Variants in LRGUK observed in about 807,000 individuals in gnomAD.
LRGUK encodes leucine rich repeats and guanylate kinase domain containing.
LRGUK carries 65 observed loss-of-function variants against 76.0 expected under a neutral mutation model. That is an observed-to-expected ratio of 0.85 (90% CI 0.70 to 1.05). LRGUK has a LOEUF of 1.05. LRGUK is among the 50% of genes least tolerant of loss of function. The probability of loss-of-function intolerance (pLI) is 0.00; values close to 1 mark genes in which losing one functional copy is unlikely to be tolerated. For synonymous variants in LRGUK, 268 were observed against 265.6 expected, an observed-to-expected ratio of 1.01 and a Z score of -0.09; for missense variants, 758 against 732.8, an observed-to-expected ratio of 1.03 and a Z score of -0.40.
intron 16 of LRGUK, among the ~76,000 whole-genome samples, chr7:134,246,211 T>C (rs1220181673): frequency 6.6e-6 from 1 of 152,170 alleles, no homozygotes; most frequent in Non-Finnish European, 1.5e-5. Context: ...TTATTCACTC[T>C]TTATATTATC....
At chr7:134,240,223 G>A (rs1201896986) in intron 16 of LRGUK, among the ~76,000 whole-genome samples, 1 of 152,230 alleles carries the variant, frequency 6.6e-6, no homozygotes, top group Non-Finnish European at 1.5e-5. Flanking sequence ...AGAGAAGAAG[G>A]CTTCAGATGA....
Position 134,251,530 on chromosome 7 carries a change from G to A in LRGUK, c.2198+2454G>A, listed in dbSNP as rs571062783. On this transcript the variant is annotated intron_variant, in intron 18 of 19. Transcript: ENST00000285928. ...TTCATGGTATCTTGTTATGGCAGCC[G>A]GAGCAAACTAATACGACCTGTATAA... Among the ~76,000 whole-genome samples the A allele has an allele frequency of 1.6e-3, 242 of 152,206 alleles. 3 individuals carry two copies. The highest frequency in any genetic ancestry group is 0.015 in the Admixed American group (229 of 15,296).
chr7:134,176,936 A>G, intron 8 of LRGUK, 41 bp from the exon 9 acceptor site: 1 of 1,254,436 alleles, frequency 8.0e-7, no homozygotes. Flanking sequence ...TGATTTGGGA[A>G]AAGGAAGGCA....
At chr7:134,191,727 C>T (rs1224860283) in exon 12 of LRGUK, 13 of 1,611,510 alleles carry the variant, frequency 8.1e-6, no homozygotes, top group Middle Eastern at 3.3e-4. Context: ...TCTCTCAAGA[C>T]GTTTTTGATG....
chr7:134,142,094 G>C (rs1234126007), intron 3 of LRGUK, among the ~76,000 whole-genome samples: 1 of 152,174 alleles, frequency 6.6e-6, no homozygotes, highest in Non-Finnish European at 1.5e-5. Flanking sequence ...CTTGGAGAAA[G>C]GTAGAAGCAC....
chr7:134,178,949 C>A lies in LRGUK; in HGVS notation c.1214+340C>A, dbSNP rs796614636. On this transcript the variant is annotated intron_variant, in intron 10 of 15. Coordinates refer to ENST00000645682, the Ensembl canonical transcript of LRGUK. ...CTCAAAAAAAAAAAAAAAAAAAAAA[C>A]CAGGACCAATTTTTCTGCCTTAGGA... Among the ~76,000 whole-genome samples the A allele has an allele frequency of 3.7e-3, 314 of 83,922 alleles. 4 individuals are homozygous for A. The highest frequency in any genetic ancestry group is 0.014 in the African/African-American group (295 of 20,676). The allele number at this position is 83,922 out of a possible 152,430, so 55.1% of individuals were successfully genotyped here.
downstream of LRGUK, among the ~76,000 whole-genome samples, chr7:134,265,365 G>GA (rs1430378701): frequency 2.0e-5 from 3 of 152,290 alleles, no homozygotes; most frequent in South Asian, 6.2e-4. Flanking sequence ...GAGGTGAAAA[G>GA]AAGGCAGATG....
At chr7:134,131,086 G>A (rs1275447969) in intron 1 of LRGUK, among the ~76,000 whole-genome samples, 1 of 152,148 alleles carries the variant, frequency 6.6e-6, no homozygotes, top group African/African-American at 2.4e-5. Context: ...TGATTGCTAT[G>A]CAGAAAGCAC....
At chr7:134,134,058 C>G (rs1797426250) in intron 1 of LRGUK, among the ~76,000 whole-genome samples, 1 of 139,748 alleles carries the variant, frequency 7.2e-6, no homozygotes, top group Non-Finnish European at 1.6e-5. Flanking sequence ...CGAGACCATG[C>G]CTAAAAAAAA....
intron 15 of LRGUK, among the ~76,000 whole-genome samples, chr7:134,203,611 C>T (rs571388810): frequency 6.6e-6 from 1 of 152,074 alleles, no homozygotes; most frequent in Admixed American, 6.5e-5. Flanking sequence ...ATGAAGTGAC[C>T]AGGGTATGAC....
intron 11 of LRGUK, among the ~76,000 whole-genome samples, chr7:134,191,081 G>A (rs1398408970): frequency 6.6e-6 from 1 of 152,154 alleles, no homozygotes; most frequent in Non-Finnish European, 1.5e-5. Context: ...ACCAAGCACA[G>A]GGCACATGAG....
chr7:134,223,377 G>A (rs1801651776), intron 16 of LRGUK, among the ~76,000 whole-genome samples: 1 of 152,238 alleles, frequency 6.6e-6, no homozygotes, highest in Non-Finnish European at 1.5e-5. Flanking sequence ...GGTCACCTGT[G>A]GCAGGGCAGA....
At chr7:134,222,312 C>A (rs543550702) in intron 16 of LRGUK, among the ~76,000 whole-genome samples, 1 of 152,208 alleles carries the variant, frequency 6.6e-6, no homozygotes, top group Non-Finnish European at 1.5e-5. Context: ...TCAAAGAGTC[C>A]GTGTTTTATA....
chr7:134,242,346 T>G (rs867651840), intron 16 of LRGUK, among the ~76,000 whole-genome samples: 1 of 151,200 alleles, frequency 6.6e-6, no homozygotes, highest in Non-Finnish European at 1.5e-5. Context: ...ATCAAATAGA[T>G]GCAATAAAAA....
chr7:134,239,830 G>A (rs374100479), intron 16 of LRGUK, among the ~76,000 whole-genome samples: 13 of 152,266 alleles, frequency 8.5e-5, no homozygotes, highest in South Asian at 2.1e-4. Context: ...TCATACAGCC[G>A]GATGCCCCTC....
intron 7 of LRGUK, among the ~76,000 whole-genome samples, chr7:134,172,040 A>G (rs985985224): frequency 6.6e-6 from 1 of 152,140 alleles, no homozygotes; most frequent in Non-Finnish European, 1.5e-5. Context: ...TTTAATTCTC[A>G]AAAAACCAAC....
intron 11 of LRGUK, among the ~76,000 whole-genome samples, chr7:134,190,593 C>G (rs764085499): frequency 1.3e-5 from 2 of 152,214 alleles, no homozygotes; most frequent in African/African-American, 2.4e-5. Context: ...ATTATATGAA[C>G]TCAAGAGTCC....
At chr7:134,265,072 G>A (rs1245685795), downstream of LRGUK, among the ~76,000 whole-genome samples, 1 of 152,208 alleles carries the variant, frequency 6.6e-6, no homozygotes, top group East Asian at 1.9e-4. Flanking sequence ...TGGAGCGGGG[G>A]GACCATGAAG....
chr7:134,209,150 C>G, exon 16 of LRGUK: 1 of 399,374 alleles, frequency 2.5e-6, no homozygotes, highest in Non-Finnish European at 4.4e-6. Context: ...CCCTTCCCCT[C>G]CCTCGTCCCG....
Sources: allele counts gnomAD v4.1 joint callset (sites outside exome capture counted in the v4.1 genomes callset), GRCh38; gene constraint gnomAD v4.1.1; transcripts MANE v1.5; gene names NCBI Gene and HGNC (gene_info 2026-07-23, HGNC 2026-07-21).